The following GPR82 variants were observed in gnomAD, a reference collection of about 807,000 sequenced individuals.
GPR82 encodes the protein probable G protein-coupled receptor 82.
GPR82 carries 6 observed loss-of-function variants against 12.9 expected under a neutral mutation model. That is an observed-to-expected ratio of 0.46 (90% CI 0.25 to 0.92). The LOEUF (loss-of-function observed/expected upper bound fraction) is 0.92. GPR82 is among the 40% of genes least tolerant of loss of function. GPR82 has a pLI of 0.16. For missense variants in GPR82, 241 were observed against 245.5 expected (o/e 0.98, Z 0.12); for synonymous variants, 90 against 87.6 (o/e 1.03, Z -0.15).
Position 41,728,034 on chromosome X carries a change from T to C in GPR82, c.1008T>C (p.Gly336=), listed in dbSNP as rs766739154. Reference sequence around the variant, plus strand: ...ATTCAGCACATATGCAATCATATGGTTGACTTTTGAATGGAAAACCCCACA... The same window carrying C: ...ATTCAGCACATATGCAATCATATGGCTGACTTTTGAATGGAAAACCCCACA... ...KSNSAHMQSY[G] is the part of the protein sequence containing the mutation. Residue 336 remains glycine (G), a synonymous_variant, in exon 3 of 3, where the codon GGT becomes GGC. Transcript: ENST00000302548. The C allele has an allele frequency of 1.1e-5, 12 of 1,072,778 alleles. No individual in the cohort carries two copies. The East Asian group carries it at 3.5e-4, about 31-fold the overall frequency. The allele number at this position is 1,072,778 out of a possible 1,213,427, so 88.4% of individuals were successfully genotyped here.
rs1486643319 is a variant in GPR82, at chrX:41,729,812, GTA to G, written c.*1777_*1778del. 2.5e-5 allele frequency: 2 copies of G among 81,490 alleles called. No homozygotes were observed. Among genetic ancestry groups the G allele is most frequent in the Non-Finnish European group, 5.0e-5 (2 of 39,964 alleles). The allele number at this position is 81,490 out of a possible 1,213,427, so 6.7% of individuals were successfully genotyped here. ...TATATATATATATATATATATGTAT[GTA>G]TGTATGTATATGTGCATAGTTAAGT... On this transcript the variant is annotated 3_prime_UTR_variant, in exon 3 of 3. Coordinates refer to ENST00000302548, the MANE Select transcript of GPR82 (RefSeq NM_080817.5).
rs2068303477 is a variant in GPR82 at position 41,728,190 on chromosome X, A to C, written c.*153A>C. The C allele has an allele frequency of 2.8e-6, 1 of 360,454 alleles. No individual in the cohort carries two copies. The allele number at this position is 360,454 out of a possible 1,213,427, so 29.7% of individuals were successfully genotyped here. A position where few individuals can be genotyped will look rare whatever the true frequency, so the allele number is the denominator to read the frequency against. On this transcript the variant is annotated 3_prime_UTR_variant, in exon 3 of 3. Transcript: ENST00000302548. ...TAAAAATAAATAAACATATATTCAT[A>C]AAACTCAAAAAACAGTTATACTGAA...
intron 1 of GPR82, among the ~76,000 whole-genome samples, chrX:41,725,386 C>T (rs778387168): frequency 1.8e-5 from 2 of 110,832 alleles, no homozygotes; most frequent in South Asian, 7.6e-4. Context: ...CCCTGAGGGG[C>T]TGGGGGGATA....
chrX:41,727,596 G>T lies in GPR82; in HGVS notation c.570G>T (p.Arg190=). 3 of 1,205,578 alleles carry T rather than the reference G, an allele frequency of 2.5e-6. No individual in the cohort carries two copies. Among genetic ancestry groups the T allele is most frequent in the Non-Finnish European group, 3.4e-6 (3 of 889,999 alleles). ...GAGAAGAGAGCCTATGCTACAATCGGCAGATGGAACTAGGAGCCATGATCT... is the reference window on the plus strand; with the variant it reads ...GAGAAGAGAGCCTATGCTACAATCGTCAGATGGAACTAGGAGCCATGATCT... The part of the protein sequence containing the change: ...TEGEESLCYN[R]QMELGAMISQ... The change falls in exon 3 of 3, where the codon CGG becomes CGT. Residue 190 remains arginine (R), a synonymous_variant. Transcript: ENST00000302548.
At chrX:41,726,285 A>AC (rs1253633406) in intron 1 of GPR82, among the ~76,000 whole-genome samples, 1 of 112,340 alleles carries the variant, frequency 8.9e-6, no homozygotes, top group African/African-American at 3.2e-5. Context: ...GTAAACTTTT[A>AC]TTGAAGTATG....
At position 41,727,897 on chromosome X, in the gene GPR82, A is replaced by G. The variant is rs1404953497; in HGVS notation, c.871A>G (p.Lys291Glu). Residue 291 changes from lysine to glutamate, a missense_variant, in exon 3 of 3, where the codon AAA (lysine) becomes GAA (glutamate). Transcript: ENST00000302548. ...GCAATTGAATTATTTAATAGAAACA[A>G]AAAACATTCTCACCTGTCTTGCTTC... ...CQQLNYLIET[K>E]NILTCLASAR... 2 of 1,206,246 alleles carry G rather than the reference A, an allele frequency of 1.7e-6. No individual in the cohort carries two copies. Among genetic ancestry groups the G allele is most frequent in the Admixed American group, 4.4e-5 (2 of 45,975 alleles).
At position 41,727,895 on chromosome X, in the gene GPR82, CAA is replaced by C. The variant is rs1158686199; in HGVS notation, c.874_875del (p.Asn292HisfsTer11). The C allele has an allele frequency of 5.8e-6, 7 of 1,203,055 alleles. No individual in the cohort carries two copies. The highest frequency in any genetic ancestry group is 7.9e-6 in the Non-Finnish European group (7 of 889,487). ...CAGCAATTGAATTATTTAATAGAAA[CAA>C]AAAACATTCTCACCTGTCTTGCTTC... On this transcript the variant is annotated frameshift_variant, in exon 3 of 3. Transcript: ENST00000302548. LOFTEE classifies it high-confidence loss of function.
Position 41,727,294 on chromosome X carries a change from G to A in GPR82, c.268G>A (p.Val90Met), listed in dbSNP as rs750383418. The change falls in exon 3 of 3, where the codon GTG (valine) becomes ATG (methionine). Residue 90 changes from valine to methionine, a missense_variant. Coordinates refer to ENST00000302548, the MANE Select transcript of GPR82 (RefSeq NM_080817.5). ...GGAATATCAATCTGCTCAATGCAGAGTGGTCAATTTTCTGGGAACTCTATC... is the reference window on the plus strand; with the variant it reads ...GGAATATCAATCTGCTCAATGCAGAATGGTCAATTTTCTGGGAACTCTATC... ...QWEYQSAQCR[V>M]VNFLGTLSMH... The A allele has an allele frequency of 8.3e-7, 1 of 1,209,598 alleles. No individual in the cohort carries two copies. Among genetic ancestry groups the A allele is most frequent in the South Asian group, 1.8e-5 (1 of 56,956 alleles).
intron 1 of GPR82, among the ~76,000 whole-genome samples, chrX:41,724,492 G>C (rs971303262): frequency 8.9e-6 from 1 of 112,330 alleles, no homozygotes; most frequent in Non-Finnish European, 1.9e-5. Flanking sequence ...GTATGCATGA[G>C]TGACTTGAGA....
At position 41,727,631 on chromosome X, in the gene GPR82, C is replaced by T; in HGVS notation, c.605C>T (p.Ala202Val). The T allele has an allele frequency of 8.3e-7, 1 of 1,208,921 alleles. No individual in the cohort carries two copies. The highest frequency in any genetic ancestry group is 1.1e-6 in the Non-Finnish European group (1 of 893,014). Reference sequence around the variant, plus strand: ...CTAGGAGCCATGATCTCTCAGATTGCAGGTCTCATTGGAACCACATTTATT... The same window carrying T: ...CTAGGAGCCATGATCTCTCAGATTGTAGGTCTCATTGGAACCACATTTATT... ...MELGAMISQI[A>V]GLIGTTFIGF... is the part of the protein sequence containing the mutation. Residue 202 changes from alanine (A) to valine (V), a missense_variant, in exon 3 of 3, where the codon GCA becomes GTA. Transcript: ENST00000302548.
At position 41,727,987 on chromosome X, in the gene GPR82, T is replaced by C. The variant is rs898078765; in HGVS notation, c.961T>C (p.Tyr321His). The change falls in exon 3 of 3, where the codon TAT (tyrosine) becomes CAT (histidine). Residue 321 changes from tyrosine (Y) to histidine (H), a missense_variant. Transcript: ENST00000302548. The part of the protein sequence containing the change: ...LLDKTFKKTL[Y>H]NLFTKSNSAH... Reference sequence around the variant, plus strand: ...AGATAAAACATTCAAGAAGACACTATATAATCTCTTTACAAAGTCTAATTC... The same window carrying C: ...AGATAAAACATTCAAGAAGACACTACATAATCTCTTTACAAAGTCTAATTC... 1.0e-5 allele frequency: 12 copies of C among 1,149,842 alleles called. No individual in the cohort carries two copies. The highest frequency in any genetic ancestry group is 1.4e-5 in the Non-Finnish European group (12 of 849,333). 94.8% of individuals were successfully genotyped at this position (1,149,842 alleles called of 1,213,427 possible). A position where few individuals can be genotyped will look rare whatever the true frequency, so the allele number is the denominator to read the frequency against.
Position 41,727,914 on chromosome X carries a change from T to C in GPR82, c.888T>C (p.Cys296=). 1.7e-6 allele frequency: 2 copies of C among 1,201,883 alleles called. No homozygotes were observed. Among genetic ancestry groups the C allele is most frequent in the Non-Finnish European group, 2.3e-6 (2 of 886,676 alleles). The part of the protein sequence containing the change: ...YLIETKNILT[C]LASARSSTDP... The stretch of plus-strand genomic sequence containing the variant: ...TAGAAACAAAAAACATTCTCACCTG[T>C]CTTGCTTCGGCCAGAAGTAGCACAG... The change falls in exon 3 of 3, where the codon TGT becomes TGC. Residue 296 remains cysteine (C), a synonymous_variant. Transcript: ENST00000302548.
Position 41,727,725 on chromosome X carries a change from C to T in GPR82, c.699C>T (p.Thr233=). Residue 233 remains threonine, a synonymous_variant, in exon 3 of 3, where the codon ACC becomes ACT. Coordinates refer to ENST00000302548, the MANE Select transcript of GPR82 (RefSeq NM_080817.5). ...SFVSHLRKIR[T]CTSIMEKDLT... is the part of the protein sequence containing the mutation. ...TAAGCCATCTGAGAAAAATAAGAACCTGTACGTCCATTATGGAGAAAGATT... is the reference window on the plus strand; with the variant it reads ...TAAGCCATCTGAGAAAAATAAGAACTTGTACGTCCATTATGGAGAAAGATT... 8.3e-7 allele frequency: 1 copy of T among 1,205,176 alleles called. No individual in the cohort carries two copies. Among genetic ancestry groups the T allele is most frequent in the Non-Finnish European group, 1.1e-6 (1 of 889,770 alleles).
At chrX:41,724,553 A>T (rs974174503) in intron 1 of GPR82, among the ~76,000 whole-genome samples, 3 of 112,308 alleles carry the variant, frequency 2.7e-5, no homozygotes, top group African/African-American at 9.7e-5. Flanking sequence ...TCTGGAGACC[A>T]GTTTTGCATC....
Position 41,727,885 on chromosome X carries a change from T to G in GPR82, c.859T>G (p.Leu287Val). The change falls in exon 3 of 3, where the codon TTA becomes GTA. Residue 287 changes from leucine to valine, a missense_variant. Coordinates refer to ENST00000302548, the MANE Select transcript of GPR82 (RefSeq NM_080817.5). ...AGATAACTGTCAGCAATTGAATTAT[T>G]TAATAGAAACAAAAAACATTCTCAC... Reference protein sequence around the residue: ...QRDNCQQLNYLIETKNILTCL... With the variant: ...QRDNCQQLNYVIETKNILTCL... The G allele has an allele frequency of 8.3e-7, 1 of 1,205,823 alleles. No individual in the cohort carries two copies. Among genetic ancestry groups the G allele is most frequent in the Non-Finnish European group, 1.1e-6 (1 of 890,275 alleles).
chrX:41,726,923 T>A (rs1455211612), intron 2 of GPR82, 70 bp from the exon 3 acceptor site: 3 of 411,040 alleles, frequency 7.3e-6, no homozygotes, highest in East Asian at 4.1e-5. Flanking sequence ...TTTTCTTTTT[T>A]AAAAACTATT....
intron 1 of GPR82, among the ~76,000 whole-genome samples, chrX:41,725,466 G>A (rs187054012): frequency 1.6e-4 from 18 of 111,126 alleles, no homozygotes; most frequent in African/African-American, 5.5e-4. Flanking sequence ...TTAAAAAGAA[G>A]ATTGAGAAAC....
At position 41,727,526 on chromosome X, in the gene GPR82, T is replaced by C. The variant is rs1425997152; in HGVS notation, c.500T>C (p.Ile167Thr). The change falls in exon 3 of 3, where the codon ATC (isoleucine) becomes ACC (threonine). Residue 167 changes from isoleucine to threonine, a missense_variant. By Grantham distance (89) the Ile-to-Thr change is moderately conservative. Coordinates refer to ENST00000302548, the MANE Select transcript of GPR82 (RefSeq NM_080817.5). ...IYIWGVVLGI[I>T]IPVTVYYSVI... The stretch of plus-strand genomic sequence containing the variant: ...ATATGGGGAGTTGTACTGGGCATAA[T>C]CATTCCAGTTACCGTATACTACTCA... The C allele has an allele frequency of 2.5e-6, 3 of 1,210,219 alleles. No individual in the cohort carries two copies. Among genetic ancestry groups the C allele is most frequent in the Admixed American group, 4.3e-5 (2 of 46,041 alleles).
At chrX:41,725,966 C>G (rs771203433) in intron 1 of GPR82, among the ~76,000 whole-genome samples, 25 of 112,128 alleles carry the variant, frequency 2.2e-4, no homozygotes, top group African/African-American at 8.1e-4. Context: ...ATCCTCAAAC[C>G]TCAGCCTCCC....
Sources: gnomAD v4.1 joint callset for allele counts (sites outside exome capture counted in the v4.1 genomes callset) on GRCh38, gnomAD v4.1.1 for gene constraint, MANE v1.5 for transcripts, NCBI Gene and HGNC (gene_info 2026-07-23, HGNC 2026-07-21) for gene names.